Variants in DSC3 observed in about 807,000 individuals in gnomAD.
The protein encoded by DSC3 is desmocollin-3.
DSC3 carries 97 observed loss-of-function variants against 89.5 expected under a neutral mutation model. The observed-to-expected ratio is 1.08, with a 90% confidence interval of 0.92 to 1.28. DSC3 has a LOEUF of 1.28. Ranked by LOEUF, DSC3 falls within the 50% of genes most tolerant of loss-of-function variation. The pLI is 0.00. For synonymous variants in DSC3, 436 were observed against 384.1 expected, an observed-to-expected ratio of 1.14 and a Z score of -1.58; for missense variants, 1,199 against 1,085.3, an observed-to-expected ratio of 1.10 and a Z score of -1.47.
intron 1 of DSC3, among the ~76,000 whole-genome samples, chr18:31,036,781 T>G: frequency 6.9e-6 from 1 of 144,836 alleles, no homozygotes; most frequent in Non-Finnish European, 1.5e-5. Flanking sequence ...TATATTTCCT[T>G]TTTGCTTTCT....
chr18:31,001,051 A>G (rs919295595), intron 14 of DSC3, among the ~76,000 whole-genome samples: 7 of 141,320 alleles, frequency 5.0e-5, no homozygotes, highest in African/African-American at 1.8e-4. Context: ...ATGTGTGTGT[A>G]TATATATACT....
At chr18:31,033,908 C>G (rs1230227843) in intron 1 of DSC3, among the ~76,000 whole-genome samples, 5 of 152,202 alleles carry the variant, frequency 3.3e-5, no homozygotes, top group African/African-American at 1.2e-4. Context: ...CCTGCAAGCT[C>G]CGCCTCCCAG....
rs192409336 is a variant in DSC3, at chr18:31,031,105, T to C, written c.222A>G (p.Leu74=). 6.2e-7 allele frequency: 1 copy of C among 1,613,774 alleles called. No homozygotes were observed. Among genetic ancestry groups the C allele is most frequent in the African/African-American group, 1.3e-5 (1 of 75,046 alleles). The change falls in exon 3 of 16, where the codon CTA becomes CTG. Residue 74 remains leucine (L), a synonymous_variant. Coordinates refer to ENST00000360428, the MANE Select transcript of DSC3 (RefSeq NM_001941.5). ...TGGCTGTGTACACTGACCCATCATT[T>C]AGAACTCTGAAATCAGGATCACTTG... ...IRSSDPDFRV[L]NDGSVYTARA...
chr18:31,016,533 T>A (rs1336034263), intron 9 of DSC3, among the ~76,000 whole-genome samples: 2 of 152,284 alleles, frequency 1.3e-5, no homozygotes, highest in East Asian at 3.9e-4. Context: ...AGATATACGG[T>A]AGCCCTTTTC....
At chr18:30,998,650 G>T (rs1042234732) in intron 14 of DSC3, among the ~76,000 whole-genome samples, 1 of 152,144 alleles carries the variant, frequency 6.6e-6, no homozygotes, top group Non-Finnish European at 1.5e-5. Flanking sequence ...ATTTTAAGGG[G>T]AGGGTAAGAG....
At chr18:31,001,442 A>G (rs1893379168) in intron 14 of DSC3, among the ~76,000 whole-genome samples, 176 bp downstream of exon 14, 1 of 152,110 alleles carries the variant, frequency 6.6e-6, no homozygotes, top group South Asian at 2.1e-4. Context: ...CATCTGGATT[A>G]AGAAGTTTAA....
At chr18:31,020,951 A>G (rs1170444218) in intron 7 of DSC3, among the ~76,000 whole-genome samples, 1 of 152,172 alleles carries the variant, frequency 6.6e-6, no homozygotes, top group Admixed American at 6.5e-5. Context: ...CAAAAAAAGA[A>G]AAAAATACAA....
rs1487670820 is a variant in DSC3, at chr18:30,989,955, T to G, written c.*4220A>C. ...TAAAATAAGTGTTATCAATGTTCAT[T>G]GTGAAAAAATCAACACAGAAAGAAT... On this transcript the variant is annotated 3_prime_UTR_variant, in exon 16 of 16. Coordinates refer to ENST00000360428, the MANE Select transcript of DSC3 (RefSeq NM_001941.5). The G allele has an allele frequency of 6.6e-6, 1 of 152,372 alleles. No homozygotes were observed. The highest frequency in any genetic ancestry group is 1.5e-5 in the Non-Finnish European group (1 of 68,054). The allele number at this position is 152,372 out of a possible 1,614,324, so 9.4% of individuals were successfully genotyped here.
chr18:31,000,999 A>G (rs1984633328), intron 14 of DSC3, among the ~76,000 whole-genome samples: 1 of 150,094 alleles, frequency 6.7e-6, no homozygotes, highest in African/African-American at 2.4e-5. Context: ...TTTTGTGTAC[A>G]TATATATATA....
chr18:30,992,133 T>A lies in DSC3; in HGVS notation c.*2042A>T, dbSNP rs139191062. On this transcript the variant is annotated 3_prime_UTR_variant, in exon 16 of 16. Coordinates refer to ENST00000360428, the MANE Select transcript of DSC3 (RefSeq NM_001941.5). ...TGAGCAGAGATCGGAGCCACTGCAC[T>A]CCAGCCTGTGCGTCAGAGCGAGACT... 8.6e-6 allele frequency: 1 copy of A among 115,986 alleles called. No individual in the cohort carries two copies. Among genetic ancestry groups the A allele is most frequent in the Non-Finnish European group, 1.6e-5 (1 of 60,964 alleles). 7.2% of individuals were successfully genotyped at this position (115,986 alleles called of 1,614,324 possible).
At chr18:31,018,915 C>CT in intron 7 of DSC3, 115 bp from the exon 8 acceptor site, 3 of 1,010,096 alleles carry the variant, frequency 3.0e-6, no homozygotes, top group Non-Finnish European at 4.6e-6. Flanking sequence ...TGTTTCCGTG[C>CT]TTTTACCTGA....
chr18:31,037,177 G>T (rs1985999416), intron 1 of DSC3, among the ~76,000 whole-genome samples: 1 of 152,144 alleles, frequency 6.6e-6, no homozygotes, highest in African/African-American at 2.4e-5. Context: ...TAGATACATT[G>T]ATTTGTTGCT....
In DSC3 at chr18:31,008,273, A is replaced by C. The variant is rs1984930129; in HGVS notation, c.1516T>G (p.Leu506Val). 6.2e-7 allele frequency: 1 copy of C among 1,613,866 alleles called. No individual in the cohort carries two copies. Among genetic ancestry groups the C allele is most frequent in the African/African-American group, 1.3e-5 (1 of 74,918 alleles). ...YDPENRNGNG[L>V]RYKKLHDPKG... ...TGGTTATAGATTTATTTTTACCTTA[A>C]ACCATTGCCATTTCTATTTTCGGGG... Residue 506 changes from leucine to valine, a missense_variant, in exon 10 of 16, where the codon TTA becomes GTA. Physicochemically the swap from Leu to Val is conservative, Grantham distance 32. Transcript: ENST00000360428.
At chr18:31,018,933 A>G (rs988001407) in intron 7 of DSC3, 133 bp from the exon 8 acceptor site, 2 of 864,328 alleles carry the variant, frequency 2.3e-6, no homozygotes, top group African/African-American at 3.3e-5. Context: ...TGATTTCCAT[A>G]TTTGCACAGA....
intron 15 of DSC3, among the ~76,000 whole-genome samples, chr18:30,995,721 C>A (rs547365219): frequency 6.6e-6 from 1 of 152,114 alleles, no homozygotes; most frequent in East Asian, 1.9e-4. Context: ...CGTATAATCC[C>A]GGCACTTTGG....
Position 31,022,321 on chromosome 18 carries a change from G to A in DSC3, c.942+15C>T, listed in dbSNP as rs201518630. On this transcript the variant is annotated intron_variant, in intron 7 of 15. Transcript: ENST00000360428. ...ATCCTCAGCGAAATGAAATTCTATG[G>A]AGTGTGTGAGCTACCTCTCTGTCCA... 6.2e-7 allele frequency: 1 copy of A among 1,613,890 alleles called. No homozygotes were observed. The highest frequency in any genetic ancestry group is 1.7e-5 in the Admixed American group (1 of 59,992).
At chr18:31,003,204 C>T (rs183637097) in intron 13 of DSC3, among the ~76,000 whole-genome samples, 173 of 152,160 alleles carry the variant, frequency 1.1e-3, no homozygotes, top group Non-Finnish European at 1.0e-3. Flanking sequence ...CACCAATACC[C>T]TCCTCACCAA....
At chr18:31,007,429 G>C (rs547195026) in intron 11 of DSC3, among the ~76,000 whole-genome samples, 54 of 152,234 alleles carry the variant, frequency 3.5e-4, no homozygotes, top group African/African-American at 1.2e-3. Context: ...GGTGCCACAT[G>C]TTAGTAAGCA....
intron 14 of DSC3, 69 bp from the exon 15 acceptor site, chr18:30,997,117 GGA>G (rs909761470): frequency 1.9e-6 from 3 of 1,561,864 alleles, no homozygotes; most frequent in African/African-American, 2.7e-5. Context: ...AGAAGGCAAA[GGA>G]GAGAGAATAT....
Sources: allele counts gnomAD v4.1 joint callset (sites outside exome capture counted in the v4.1 genomes callset), GRCh38; gene constraint gnomAD v4.1.1; transcripts MANE v1.5; gene names NCBI Gene and HGNC (gene_info 2026-07-23, HGNC 2026-07-21).